ALK: variants seen among roughly 807,000 people sequenced by gnomAD.
The protein encoded by ALK is ALK receptor tyrosine kinase, also known as ALK tyrosine kinase receptor.
ALK carries 74 observed loss-of-function variants against 163.1 expected under a neutral mutation model. That is an observed-to-expected ratio of 0.45 (90% CI 0.38 to 0.55). ALK has a LOEUF of 0.55. Among genes scored for constraint, ALK ranks in the 20% least tolerant of loss-of-function variants. ALK has a pLI of 0.00. For synonymous variants in ALK, 960 were observed against 843.2 expected, an observed-to-expected ratio of 1.14 and a Z score of -2.40; for missense variants, 2,063 against 2,105.3, an observed-to-expected ratio of 0.98 and a Z score of 0.39.
intron 12 of ALK, among the ~76,000 whole-genome samples, chr2:29,247,878 C>T (rs537399294): frequency 2.6e-4 from 40 of 152,276 alleles, no homozygotes; most frequent in African/African-American, 8.2e-4. Context: ...CTTTTTCTCA[C>T]GTCCTCTGGT....
intron 1 of ALK, among the ~76,000 whole-genome samples, chr2:29,825,478 G>C (rs1362717651): frequency 6.6e-6 from 1 of 152,158 alleles, no homozygotes; most frequent in East Asian, 1.9e-4. Flanking sequence ...AGAGGAATGA[G>C]AGACCTTGGT....
intron 3 of ALK, among the ~76,000 whole-genome samples, chr2:29,537,064 C>T (rs759922044): frequency 5.3e-5 from 8 of 152,104 alleles, no homozygotes; most frequent in Middle Eastern, 3.2e-3. Flanking sequence ...GAAAGCAGAG[C>T]GTAAGGGTTT....
At chr2:29,888,597 G>A (rs1225434397) in intron 1 of ALK, among the ~76,000 whole-genome samples, 1 of 152,044 alleles carries the variant, frequency 6.6e-6, no homozygotes, top group East Asian at 1.9e-4. Context: ...TGAAATGCAC[G>A]CTCCAGCTTA....
chr2:29,920,242 G>T lies in ALK; in HGVS notation c.418C>A (p.Gln140Lys). The T allele has an allele frequency of 6.2e-7, 1 of 1,609,854 alleles. No homozygotes were observed. Among genetic ancestry groups the T allele is most frequent in the South Asian group, 1.1e-5 (1 of 90,652 alleles). ...TCCTCGCCCAGCTCCAGCACCAACT[G>T]CTTGGCACGCCGGAGCTTGCGCACG... is the stretch of plus-strand genomic sequence containing the variant. Reference protein sequence around the residue: ...GSVRKLRRAKQLVLELGEEAI... With the variant: ...GSVRKLRRAKKLVLELGEEAI... The change falls in exon 1 of 29, where the codon CAG becomes AAG. Residue 140 changes from glutamine to lysine, a missense_variant. By Grantham distance (53) the Gln-to-Lys change is moderately conservative. Transcript: ENST00000389048.
Position 29,670,715 on chromosome 2 carries a change from T to C in ALK, c.952+24135A>G, listed in dbSNP as rs187720337. ...TCCTTTTTGTTCTTTTTTCTTTGAC[T>C]GTGTATTTTCATATAGCCAGTGTTT... On this transcript the variant is annotated intron_variant, in intron 3 of 28. Transcript: ENST00000389048. Among the ~76,000 whole-genome samples, 1,252 of 152,200 alleles carry C rather than the reference T, an allele frequency of 8.2e-3. 15 individuals are homozygous for C. The highest frequency in any genetic ancestry group is 0.044 in the South Asian group (214 of 4,822).
intron 1 of ALK, among the ~76,000 whole-genome samples, chr2:29,823,059 A>G (rs1043497852): frequency 1.1e-4 from 17 of 152,330 alleles, no homozygotes; most frequent in African/African-American, 4.1e-4. Flanking sequence ...TAACTGAATC[A>G]TGGGGGCAAG....
chr2:29,768,713 C>CTGTG (rs1553359129), intron 1 of ALK, among the ~76,000 whole-genome samples: 13 of 142,860 alleles, frequency 9.1e-5, no homozygotes, highest in African/African-American at 2.3e-4. Flanking sequence ...TTATATATGT[C>CTGTG]TGTGTGTGTG....
intron 3 of ALK, among the ~76,000 whole-genome samples, chr2:29,670,228 T>C (rs1677640678): frequency 6.6e-6 from 1 of 152,122 alleles, no homozygotes; most frequent in Non-Finnish European, 1.5e-5. Flanking sequence ...TCTCAGCTTT[T>C]ATTTGTCTGG....
chr2:29,816,526 T>A (rs1483554769), intron 1 of ALK, among the ~76,000 whole-genome samples: 1 of 152,182 alleles, frequency 6.6e-6, no homozygotes, highest in Non-Finnish European at 1.5e-5. Flanking sequence ...AAGGCGATTC[T>A]AAAAGTGTTT....
intron 6 of ALK, among the ~76,000 whole-genome samples, chr2:29,321,191 T>G (rs1248741673): frequency 6.6e-6 from 1 of 152,254 alleles, no homozygotes; most frequent in Non-Finnish European, 1.5e-5. Context: ...GTGAAGCAAC[T>G]TGACCAAGGT....
At chr2:29,655,154 C>G (rs1180655383) in intron 3 of ALK, among the ~76,000 whole-genome samples, 3 of 152,126 alleles carry the variant, frequency 2.0e-5, no homozygotes, top group Non-Finnish European at 2.9e-5. Context: ...TCTGATTTAT[C>G]AACCTTCAAA....
intron 3 of ALK, among the ~76,000 whole-genome samples, chr2:29,661,472 GT>G (rs1273200854): frequency 6.6e-6 from 1 of 152,176 alleles, no homozygotes; most frequent in East Asian, 1.9e-4. Flanking sequence ...GATAAGAATA[GT>G]TTATGTCAAT....
At chr2:29,405,179 C>T (rs1425530410) in intron 4 of ALK, among the ~76,000 whole-genome samples, 1 of 152,198 alleles carries the variant, frequency 6.6e-6, no homozygotes, top group Admixed American at 6.6e-5. Context: ...GCCAGCTACA[C>T]ATTTTCTTTG....
chr2:29,282,075 G>A (rs754168062), intron 9 of ALK, among the ~76,000 whole-genome samples: 4 of 152,210 alleles, frequency 2.6e-5, no homozygotes, highest in Non-Finnish European at 2.9e-5. Flanking sequence ...GCATTTGCCA[G>A]CTGGGCACCA....
chr2:29,289,546 C>T (rs1665962984), intron 9 of ALK, among the ~76,000 whole-genome samples: 1 of 152,192 alleles, frequency 6.6e-6, no homozygotes, highest in South Asian at 2.1e-4. Context: ...CACAGCAGGT[C>T]ATGAGTAGAG....
intron 1 of ALK, among the ~76,000 whole-genome samples, chr2:29,885,329 C>G (rs913919389): frequency 5.9e-5 from 9 of 152,108 alleles, no homozygotes; most frequent in African/African-American, 1.9e-4. Context: ...ACACATGATA[C>G]TCTATGGAAA....
intron 3 of ALK, among the ~76,000 whole-genome samples, chr2:29,673,826 C>A (rs1677784962): frequency 6.6e-6 from 1 of 151,222 alleles, no homozygotes; most frequent in African/African-American, 2.4e-5. Flanking sequence ...AATGTTCTTC[C>A]ATTTGTTTGT....
chr2:29,428,481 T>TA lies in ALK; in HGVS notation c.1155-44623dup, dbSNP rs567798373. ...AAAAGGATTATAAAGGAATACTGTT[T>TA]AAAAAAAGCTATGTGCCAATAAAGT... is the stretch of plus-strand genomic sequence containing the variant. On this transcript the variant is annotated intron_variant, in intron 4 of 28. Transcript: ENST00000389048. 3.9e-5 allele frequency among the ~76,000 whole-genome samples: 6 copies of TA among 151,972 alleles called. No homozygotes were observed. In the East Asian group the frequency reaches 1.2e-3, roughly 29 times the overall value.
chr2:29,287,135 C>T (rs1238149314), intron 9 of ALK, among the ~76,000 whole-genome samples: 1 of 152,162 alleles, frequency 6.6e-6, no homozygotes. Context: ...TTCTTGTGTG[C>T]ACCATGTATT....
Sources: gnomAD v4.1 joint callset for allele counts (sites outside exome capture counted in the v4.1 genomes callset) on GRCh38, gnomAD v4.1.1 for gene constraint, MANE v1.5 for transcripts, NCBI Gene and HGNC (gene_info 2026-07-23, HGNC 2026-07-21) for gene names.